Variants in JMJD1C observed in about 807,000 individuals in gnomAD.
The protein encoded by JMJD1C is jumonji domain-containing protein 1C.
Under a neutral mutation model 245.3 loss-of-function variants are expected in JMJD1C, and 31 were observed. The ratio of observed to expected loss-of-function variants is 0.13; its 90% CI spans 0.09 to 0.17. JMJD1C has a LOEUF of 0.17. Ranked by LOEUF, JMJD1C falls within the 10% of genes least tolerant of loss-of-function variation. The probability of loss-of-function intolerance (pLI) is 1.00; values close to 1 mark genes in which losing one functional copy is unlikely to be tolerated. For missense variants in JMJD1C, 2,691 were observed against 3,000.2 expected, an observed-to-expected ratio of 0.90 and a Z score of 2.41; for synonymous variants, 1,057 against 1,017.4, an observed-to-expected ratio of 1.04 and a Z score of -0.74.
chr10:63,383,876 G>A (rs1261554554), intron 1 of JMJD1C, among the ~76,000 whole-genome samples: 1 of 152,114 alleles, frequency 6.6e-6, no homozygotes, highest in Non-Finnish European at 1.5e-5. Context: ...TCAAGGTGGG[G>A]TGTTTGTGAC....
intron 1 of JMJD1C, among the ~76,000 whole-genome samples, chr10:63,507,016 T>C (rs1954738862): frequency 6.6e-6 from 1 of 152,220 alleles, no homozygotes; most frequent in African/African-American, 2.4e-5. Context: ...GTCATAATCA[T>C]ACACTGTGCA....
chr10:63,281,566 G>A (rs1857406169), intron 2 of JMJD1C, among the ~76,000 whole-genome samples: 1 of 138,536 alleles, frequency 7.2e-6, no homozygotes, highest in Non-Finnish European at 1.5e-5. Context: ...TGCCTCCCGG[G>A]TTCAAGCGGT....
chr10:63,360,341 A>T lies in JMJD1C; in HGVS notation c.333+19977T>A, dbSNP rs184493669. Among the ~76,000 whole-genome samples the T allele has an allele frequency of 5.6e-4, 86 of 152,294 alleles. 1 individual carries two copies. The highest frequency in any genetic ancestry group is 1.6e-3 in the African/African-American group (67 of 41,582). ...ATGCCACTGCATTTCAGCCTGAGTG[A>T]CAGTGAGACCCTGTCTCCGAATAAA... On this transcript the variant is annotated intron_variant, in intron 2 of 25. Transcript: ENST00000399262.
At chr10:63,479,502 G>T (rs1240424432) in intron 1 of JMJD1C, among the ~76,000 whole-genome samples, 1 of 152,032 alleles carries the variant, frequency 6.6e-6, no homozygotes, top group African/African-American at 2.4e-5. Context: ...TTTGCCATTA[G>T]TTTGTGTAAA....
chr10:63,422,539 G>C (rs1405880805), intron 1 of JMJD1C, among the ~76,000 whole-genome samples: 1 of 152,088 alleles, frequency 6.6e-6, no homozygotes, highest in South Asian at 2.1e-4. Flanking sequence ...TTTCTACTCA[G>C]CCCAAGCACT....
chr10:63,360,872 C>T (rs1380137010), intron 2 of JMJD1C, among the ~76,000 whole-genome samples: 1 of 152,040 alleles, frequency 6.6e-6, no homozygotes, highest in Non-Finnish European at 1.5e-5. Context: ...GCAACCTCTG[C>T]CTCCTGGGAT....
chr10:63,323,106 T>C (rs537107031), intron 2 of JMJD1C, among the ~76,000 whole-genome samples: 16 of 152,126 alleles, frequency 1.1e-4, no homozygotes, highest in African/African-American at 3.6e-4. Flanking sequence ...AAAGCAGCAC[T>C]GGGTAAGAGT....
At chr10:63,298,484 G>C (rs1262440394) in intron 2 of JMJD1C, among the ~76,000 whole-genome samples, 1 of 152,080 alleles carries the variant, frequency 6.6e-6, no homozygotes, top group Non-Finnish European at 1.5e-5. Flanking sequence ...TTGACACATG[G>C]TGTCTACACT....
chr10:63,246,170 G>C (rs777496911), intron 3 of JMJD1C, among the ~76,000 whole-genome samples: 2 of 152,086 alleles, frequency 1.3e-5, no homozygotes, highest in African/African-American at 4.8e-5. Context: ...AATAATAACA[G>C]AAAACTTTTC....
chr10:63,245,133 C>CAAAAAAAAAAAAAAAAAAAAAAA (rs71025133), intron 3 of JMJD1C, among the ~76,000 whole-genome samples: 1 of 65,684 alleles, frequency 1.5e-5, no homozygotes, highest in African/African-American at 5.4e-5. Context: ...GACTCTGTCT[C>CAAAAAAAAAAAAAAAAAAAAAAA]AAAAAAAAAA....
chr10:63,221,559 T>C (rs1268327038), intron 3 of JMJD1C, among the ~76,000 whole-genome samples: 1 of 152,178 alleles, frequency 6.6e-6, no homozygotes, highest in African/African-American at 2.4e-5. Flanking sequence ...GAAATGGGCA[T>C]TAACATGTCT....
chr10:63,520,521 A>C (rs958343019), intron 1 of JMJD1C, among the ~76,000 whole-genome samples: 3 of 150,404 alleles, frequency 2.0e-5, no homozygotes, highest in Non-Finnish European at 3.0e-5. Context: ...AAAAAAAAAA[A>C]CAGTTTTAAA....
At chr10:63,325,328 GTGTTTTGGTTTTTTGTTTTGTTT>G (rs771246508) in intron 2 of JMJD1C, among the ~76,000 whole-genome samples, 28 of 152,264 alleles carry the variant, frequency 1.8e-4, no homozygotes, top group Non-Finnish European at 3.4e-4. Context: ...TTCTACCTCA[GTGTTTTGGTTTTTTGTTTTGTTT>G]TGTTTTGAGA....
chr10:63,454,430 T>C (rs1447130641), intron 1 of JMJD1C, among the ~76,000 whole-genome samples: 3 of 150,282 alleles, frequency 2.0e-5, no homozygotes, highest in African/African-American at 4.9e-5. Flanking sequence ...GCTAATTTTT[T>C]TGTTGTTTTT....
chr10:63,268,102 T>C (rs1190358720), intron 2 of JMJD1C, among the ~76,000 whole-genome samples: 3 of 115,812 alleles, frequency 2.6e-5, no homozygotes, highest in African/African-American at 7.4e-5. Flanking sequence ...CGGTTAACAG[T>C]TAACAATTCC....
intron 3 of JMJD1C, among the ~76,000 whole-genome samples, chr10:63,247,506 C>A (rs1476789547): frequency 6.6e-6 from 1 of 151,946 alleles, no homozygotes; most frequent in Non-Finnish European, 1.5e-5. Context: ...TTTGAAAGGA[C>A]AAAGAAGGTG....
At chr10:63,323,974 C>T (rs1941223942) in intron 2 of JMJD1C, among the ~76,000 whole-genome samples, 1 of 151,238 alleles carries the variant, frequency 6.6e-6, no homozygotes, top group South Asian at 2.1e-4. Context: ...CCAGGAGCAC[C>T]CACATCTGAA....
At chr10:63,228,502 CAG>C (rs573832739) in intron 3 of JMJD1C, among the ~76,000 whole-genome samples, 66 of 152,054 alleles carry the variant, frequency 4.3e-4, no homozygotes, top group African/African-American at 1.5e-3. Context: ...CCCTGGGTGA[CAG>C]AGGGAGATCC....
intron 3 of JMJD1C, among the ~76,000 whole-genome samples, chr10:63,243,715 C>T (rs1259664215): frequency 2.0e-5 from 3 of 152,068 alleles, no homozygotes; most frequent in Admixed American, 6.6e-5. Context: ...GTTCACTCCC[C>T]TCAGTAGAAA....
Sources: gnomAD v4.1 joint callset for allele counts (sites outside exome capture counted in the v4.1 genomes callset) on GRCh38, gnomAD v4.1.1 for gene constraint, MANE v1.5 for transcripts, NCBI Gene and HGNC (gene_info 2026-07-23, HGNC 2026-07-21) for gene names.